The following ACSL3 variants were observed in gnomAD, a reference collection of about 807,000 sequenced individuals.
ACSL3 encodes fatty acid CoA ligase Acsl3.
ACSL3 carries 34 observed loss-of-function variants against 84.7 expected under a neutral mutation model. That is an observed-to-expected ratio of 0.40 (90% CI 0.31 to 0.53). The LOEUF is 0.53. ACSL3 is among the 20% of genes least tolerant of loss of function. The pLI, the probability that ACSL3 is intolerant of heterozygous loss-of-function variation, is 0.48. For synonymous variants in ACSL3, 315 were observed against 299.4 expected, an observed-to-expected ratio of 1.05 and a Z score of -0.54; for missense variants, 680 against 873.1, an observed-to-expected ratio of 0.78 and a Z score of 2.79.
chr2:222,874,695 C>G (rs980463056), intron 1 of ACSL3, among the ~76,000 whole-genome samples: 1 of 151,630 alleles, frequency 6.6e-6, no homozygotes, highest in Non-Finnish European at 1.5e-5. Flanking sequence ...AAATTAGCAA[C>G]CCGAGTATTT....
At chr2:222,865,492 C>T (rs1242444946) in intron 1 of ACSL3, among the ~76,000 whole-genome samples, 1 of 152,108 alleles carries the variant, frequency 6.6e-6, no homozygotes, top group Non-Finnish European at 1.5e-5. Flanking sequence ...AATGATTGGG[C>T]GAGTTCCTGC....
chr2:222,915,645 C>T (rs1318170300), intron 4 of ACSL3, among the ~76,000 whole-genome samples: 1 of 152,200 alleles, frequency 6.6e-6, no homozygotes, highest in Non-Finnish European at 1.5e-5. Flanking sequence ...GTATTACCAG[C>T]ACTTACGATA....
chr2:222,926,284 T>G (rs1320837674), intron 11 of ACSL3, among the ~76,000 whole-genome samples: 1 of 152,344 alleles, frequency 6.6e-6, no homozygotes, highest in East Asian at 1.9e-4. Flanking sequence ...CTTAGGCATC[T>G]GAGGGTTTTG....
chr2:222,934,729 A>G (rs1415395815), intron 16 of ACSL3, 42 bp downstream of exon 16: 4 of 1,590,622 alleles, frequency 2.5e-6, no homozygotes. Flanking sequence ...TGAGATGGGA[A>G]GAGAGTACTT....
At chr2:222,872,023 G>A (rs551700941) in intron 1 of ACSL3, among the ~76,000 whole-genome samples, 6 of 152,016 alleles carry the variant, frequency 3.9e-5, no homozygotes, top group African/African-American at 1.4e-4. Context: ...ATAATTCTAG[G>A]GAAAAACTTA....
chr2:222,922,645 A>T (rs541312035), intron 8 of ACSL3, 63 bp from the exon 9 acceptor site: 36 of 1,602,422 alleles, frequency 2.2e-5, no homozygotes, highest in Admixed American at 5.1e-5. Context: ...TGCTCCCATT[A>T]TAGGGCACTT....
intron 6 of ACSL3, among the ~76,000 whole-genome samples, 173 bp downstream of exon 6, chr2:222,918,328 T>TA (rs1458697328): frequency 6.6e-6 from 1 of 152,188 alleles, no homozygotes; most frequent in Non-Finnish European, 1.5e-5. Flanking sequence ...ATTTTGTATA[T>TA]ATTCATGTAT....
chr2:222,934,102 G>A (rs934930190), intron 15 of ACSL3, among the ~76,000 whole-genome samples: 1 of 152,064 alleles, frequency 6.6e-6, no homozygotes, highest in African/African-American at 2.4e-5. Flanking sequence ...AGAAAAAAAA[G>A]AATATATTCA....
chr2:222,887,590 G>A (rs532525795), intron 1 of ACSL3, among the ~76,000 whole-genome samples: 1 of 152,262 alleles, frequency 6.6e-6, no homozygotes, highest in South Asian at 2.1e-4. Flanking sequence ...TGGTGTTAGT[G>A]TTTTGGGTTT....
chr2:222,870,797 A>G (rs1695280866), intron 1 of ACSL3, among the ~76,000 whole-genome samples: 2 of 152,242 alleles, frequency 1.3e-5, no homozygotes, highest in African/African-American at 4.8e-5. Context: ...GCTGACTTCA[A>G]GTTGTGGAGA....
In ACSL3 at chr2:222,924,551, A is replaced by G; in HGVS notation, c.1248A>G (p.Lys416=). ...TGTTTATTCTGGCCTATAATTACAA[A>G]ATGGAACAGATTTCAAAAGGACGTA... ...RNLFILAYNY[K]MEQISKGRNT... The change falls in exon 11 of 17, where the codon AAA becomes AAG. Residue 416 remains lysine (K), a synonymous_variant. Transcript: ENST00000357430. 6.2e-7 allele frequency: 1 copy of G among 1,610,692 alleles called. No individual in the cohort carries two copies. Among genetic ancestry groups the G allele is most frequent in the South Asian group, 1.1e-5 (1 of 89,946 alleles).
chr2:222,932,543 G>T (rs535074064), intron 14 of ACSL3, among the ~76,000 whole-genome samples: 2 of 152,244 alleles, frequency 1.3e-5, no homozygotes, highest in African/African-American at 4.8e-5. Flanking sequence ...TGGCCAGGCT[G>T]GTCTCGAACT....
intron 16 of ACSL3, among the ~76,000 whole-genome samples, chr2:222,937,453 T>G (rs999772527): frequency 6.6e-6 from 1 of 152,198 alleles, no homozygotes; most frequent in Non-Finnish European, 1.5e-5. Context: ...CCCCTAGTTA[T>G]GTCAGTGTTT....
chr2:222,927,776 A>G (rs969919784), intron 12 of ACSL3, among the ~76,000 whole-genome samples: 4 of 152,254 alleles, frequency 2.6e-5, no homozygotes, highest in African/African-American at 9.6e-5. Context: ...GGTACAGGAT[A>G]CAGCTGTGCT....
At position 222,900,665 on chromosome 2, in the gene ACSL3, T is replaced by C. The variant is rs1696119484; in HGVS notation, c.-147-9T>C. 1 of 152,226 alleles carries C rather than the reference T, an allele frequency of 6.6e-6. No individual in the cohort carries two copies. Among genetic ancestry groups the C allele is most frequent in the South Asian group, 2.1e-4 (1 of 4,824 alleles). The allele number at this position is 152,226 out of a possible 1,614,324, so 9.4% of individuals were successfully genotyped here. Reference sequence around the variant, plus strand: ...TCTAATTCATGACTTAATTCTATATTGTATTCAGATACAGAATTCGTTGTT... The same window carrying C: ...TCTAATTCATGACTTAATTCTATATCGTATTCAGATACAGAATTCGTTGTT... On this transcript the variant is annotated splice_polypyrimidine_tract_variant and intron_variant, in intron 2 of 16. Coordinates refer to ENST00000357430, the MANE Select transcript of ACSL3 (RefSeq NM_004457.5).
chr2:222,932,533 T>C (rs879699459), intron 14 of ACSL3, among the ~76,000 whole-genome samples: 26 of 152,128 alleles, frequency 1.7e-4, no homozygotes, highest in Non-Finnish European at 3.7e-4. Context: ...TTCACCATGT[T>C]GGCCAGGCTG....
chr2:222,939,318 G>A (rs940942751), intron 16 of ACSL3, among the ~76,000 whole-genome samples: 5 of 152,108 alleles, frequency 3.3e-5, no homozygotes, highest in Non-Finnish European at 7.4e-5. Flanking sequence ...AGCCTTTTCC[G>A]AGGCTGTGTC....
rs567225401 is a variant in ACSL3, at chr2:222,925,883, T to G, written c.1293-1134T>G. 1.8e-4 allele frequency among the ~76,000 whole-genome samples: 28 copies of G among 152,348 alleles called. No individual in the cohort carries two copies. In the South Asian group the frequency reaches 5.8e-3, roughly 32 times the overall value. On this transcript the variant is annotated intron_variant, in intron 11 of 16. Transcript: ENST00000357430. ...TAATAGAGTACATAGATTTATGATT[T>G]GATCATAAAATAGCTTAGAAGTTAG...
chr2:222,908,715 T>C lies in ACSL3; in HGVS notation c.-40-18T>C. 2 of 1,463,098 alleles carry C rather than the reference T, an allele frequency of 1.4e-6. No homozygotes were observed. The highest frequency in any genetic ancestry group is 4.9e-5 in the Admixed American group (2 of 40,456). 90.6% of individuals were successfully genotyped at this position (1,463,098 alleles called of 1,614,324 possible). ...TAAAATGATTTTGAACTAACGCCTTTCTTTTTCTTCCTCCTAGATTCTCGC... is the reference window on the plus strand; with the variant it reads ...TAAAATGATTTTGAACTAACGCCTTCCTTTTTCTTCCTCCTAGATTCTCGC... On this transcript the variant is annotated intron_variant, in intron 3 of 16. Transcript: ENST00000357430.
Sources: allele counts gnomAD v4.1 joint callset (sites outside exome capture counted in the v4.1 genomes callset), GRCh38; gene constraint gnomAD v4.1.1; transcripts MANE v1.5; gene names NCBI Gene and HGNC (gene_info 2026-07-23, HGNC 2026-07-21).